The following ITGA2 variants were observed in gnomAD, a reference collection of about 807,000 sequenced individuals.
ITGA2 encodes the protein integrin alpha-2.
A neutral mutation model predicts 146.3 loss-of-function variants in ITGA2; 101 were observed. The observed-to-expected ratio is 0.69, with a 90% CI of 0.59 to 0.81. The LOEUF (loss-of-function observed/expected upper bound fraction) is 0.81. Among genes scored for constraint, ITGA2 ranks in the 40% least tolerant of loss-of-function variants. The pLI, the probability that ITGA2 is intolerant of heterozygous loss-of-function variation, is 0.00. For synonymous variants in ITGA2, 477 were observed against 487.1 expected (o/e 0.98, Z 0.27); for missense variants, 1,281 against 1,402.7 (o/e 0.91, Z 1.39).
At chr5:53,080,657 T>C (rs1223428138) in intron 25 of ITGA2, 36 bp downstream of exon 25, 1 of 1,417,668 alleles carries the variant, frequency 7.1e-7, no homozygotes, top group South Asian at 1.1e-5. Flanking sequence ...ATGTGTACTT[T>C]CAAGATGTAA....
chr5:53,091,083 A>G lies in ITGA2; in HGVS notation c.*484A>G, dbSNP rs959986331. ...TGAATATTGATGTTAACAAGAGGGGAAAACAAAACACAGGTTTTTTCAATT... is the reference window on the plus strand; with the variant it reads ...TGAATATTGATGTTAACAAGAGGGGGAAACAAAACACAGGTTTTTTCAATT... On this transcript the variant is annotated 3_prime_UTR_variant, in exon 30 of 30. Transcript: ENST00000296585. The G allele has an allele frequency of 2.2e-5, 5 of 230,042 alleles. No individual in the cohort carries two copies. The highest frequency in any genetic ancestry group is 1.1e-4 in the African/African-American group (5 of 43,596). 14.3% of individuals were successfully genotyped at this position (230,042 alleles called of 1,614,324 possible).
At chr5:53,058,830 G>A (rs1348750855) in intron 10 of ITGA2, among the ~76,000 whole-genome samples, 1 of 151,910 alleles carries the variant, frequency 6.6e-6, no homozygotes, top group Admixed American at 6.6e-5. Context: ...CCTTAGAGAT[G>A]CTCATAGAAG....
intron 2 of ITGA2, among the ~76,000 whole-genome samples, chr5:53,039,530 C>T (rs375957183): frequency 5.9e-5 from 9 of 151,526 alleles, no homozygotes; most frequent in Admixed American, 4.6e-4. Context: ...GATCACCTGA[C>T]GTTAGGAGGT....
rs761637572 is a variant in ITGA2 at position 53,074,452 on chromosome 5, A to C, written c.2639A>C (p.Tyr880Ser). Residue 880 changes from tyrosine to serine, a missense_variant, in exon 21 of 30, where the codon TAC becomes TCC. This residue lies in a region of ITGA2 where 475 missense variants were observed against 530.5 expected (regional missense o/e 0.90). Transcript: ENST00000296585. The stretch of plus-strand genomic sequence containing the variant: ...AAGTCTGTTGCCTGCGATGTAGGCT[A>C]CCCTGCTTTAAAGAGAGAACAACAG... Reference protein sequence around the residue: ...SQKSVACDVGYPALKREQQVT... With the variant: ...SQKSVACDVGSPALKREQQVT... 17 of 1,612,200 alleles carry C rather than the reference A, an allele frequency of 1.1e-5. No individual in the cohort carries two copies. Among genetic ancestry groups the C allele is most frequent in the Non-Finnish European group, 1.4e-5 (17 of 1,178,904 alleles).
At position 53,075,307 on chromosome 5, in the gene ITGA2, A is replaced by T; in HGVS notation, c.2825+3A>T. 6.2e-7 allele frequency: 1 copy of T among 1,611,788 alleles called. No homozygotes were observed. Among genetic ancestry groups the T allele is most frequent in the Non-Finnish European group, 8.5e-7 (1 of 1,178,696 alleles). ...GATGCTGAAATTCACTTAACAAGGT[A>T]GGTGAAGCAGTGGGTAACCTGCTAT... On this transcript the variant is annotated splice_donor_region_variant and intron_variant, in intron 23 of 29. Transcript: ENST00000296585.
At chr5:53,025,829 A>G (rs1275323341) in intron 1 of ITGA2, among the ~76,000 whole-genome samples, 2 of 152,184 alleles carry the variant, frequency 1.3e-5, no homozygotes, top group Non-Finnish European at 2.9e-5. Context: ...CTCCAGAGAG[A>G]GCATTAATAT....
At chr5:53,039,599 G>A (rs771092680) in intron 2 of ITGA2, among the ~76,000 whole-genome samples, 6 of 151,732 alleles carry the variant, frequency 4.0e-5, no homozygotes, top group Non-Finnish European at 8.8e-5. Context: ...AATTAGCCAG[G>A]TGTGGTGGCG....
intron 20 of ITGA2, among the ~76,000 whole-genome samples, 179 bp from the exon 21 acceptor site, chr5:53,074,206 A>G (rs1484453334): frequency 6.6e-6 from 1 of 151,950 alleles, no homozygotes; most frequent in Non-Finnish European, 1.5e-5. Flanking sequence ...TTAGCAATAA[A>G]AGTAGTATAT....
At chr5:52,999,318 T>C (rs1292876303) in intron 1 of ITGA2, among the ~76,000 whole-genome samples, 1 of 152,044 alleles carries the variant, frequency 6.6e-6, no homozygotes, top group Non-Finnish European at 1.5e-5. Context: ...TACAGTAAAT[T>C]TTAAAACTTT....
chr5:53,039,299 TTTTG>T (rs1273598675), intron 2 of ITGA2, among the ~76,000 whole-genome samples: 4 of 140,574 alleles, frequency 2.8e-5, no homozygotes, highest in African/African-American at 1.0e-4. Flanking sequence ...CATAGTAAGC[TTTTG>T]TTTGAGAAAA....
At chr5:53,048,222 A>G (rs1744185448) in intron 4 of ITGA2, 141 bp from the exon 5 acceptor site, 5 of 730,462 alleles carry the variant, frequency 6.8e-6, no homozygotes, top group Admixed American at 6.0e-5. Context: ...CCCCGAAGGC[A>G]TTACTGACTC....
rs1740417602 is a variant in ITGA2 at position 53,091,443 on chromosome 5, A to G, written c.*844A>G. On this transcript the variant is annotated 3_prime_UTR_variant, in exon 30 of 30. Transcript: ENST00000296585. ...TCCTTTCTCTTTTAGGAGGCACAAC[A>G]GTTCTCTTCTAGGATTTGTTTGGCT... 6.6e-6 allele frequency: 1 copy of G among 152,200 alleles called. No homozygotes were observed. The highest frequency in any genetic ancestry group is 2.4e-5 in the African/African-American group (1 of 41,444). 9.4% of individuals were successfully genotyped at this position (152,200 alleles called of 1,614,324 possible).
At chr5:53,013,789 G>C (rs1370583583) in intron 1 of ITGA2, among the ~76,000 whole-genome samples, 3 of 151,946 alleles carry the variant, frequency 2.0e-5, no homozygotes, top group Non-Finnish European at 2.9e-5. Flanking sequence ...TTTCAGAAGT[G>C]TTTTATCAGT....
Position 53,051,492 on chromosome 5 carries a change from G to A in ITGA2, c.712G>A (p.Ala238Thr). ...TAAAACCAAAGAAGAAATGATTGTAGCAACATCCCAGACATCCCAATATGG... is the reference window on the plus strand; with the variant it reads ...TAAAACCAAAGAAGAAATGATTGTAACAACATCCCAGACATCCCAATATGG... Reference protein sequence around the residue: ...TYKTKEEMIVATSQTSQYGGD... With the variant: ...TYKTKEEMIVTTSQTSQYGGD... The change falls in exon 7 of 30, where the codon GCA becomes ACA. Residue 238 changes from alanine to threonine, a missense_variant. Around this residue, in one of 3 missense-constraint regions of ITGA2, gnomAD observed 795 missense variants for 841.7 expected, o/e 0.94. Transcript: ENST00000296585. 1 of 1,613,478 alleles carries A rather than the reference G, an allele frequency of 6.2e-7. No homozygotes were observed. The highest frequency in any genetic ancestry group is 1.1e-5 in the South Asian group (1 of 91,072).
intron 1 of ITGA2, among the ~76,000 whole-genome samples, chr5:52,998,467 C>CA (rs1741390149): frequency 1.3e-5 from 2 of 151,918 alleles, no homozygotes. Flanking sequence ...AAAAGAAACC[C>CA]AAAAAACAAA....
At position 53,094,379 on chromosome 5, in the gene ITGA2, G is replaced by A. The variant is rs1210146180; in HGVS notation, c.*3780G>A. 1 of 152,092 alleles carries A rather than the reference G, an allele frequency of 6.6e-6. No individual in the cohort carries two copies. Among genetic ancestry groups the A allele is most frequent in the Non-Finnish European group, 1.5e-5 (1 of 67,994 alleles). The allele number at this position is 152,092 out of a possible 1,614,324, so 9.4% of individuals were successfully genotyped here. A position where few individuals can be genotyped will look rare whatever the true frequency, so the allele number is the denominator to read the frequency against. ...TGTAAATAAAGTTTCATATGTACCT[G>A]TTTATTTTGGCAGATTAAGTCAAAA... is the stretch of plus-strand genomic sequence containing the variant. On this transcript the variant is annotated 3_prime_UTR_variant, in exon 30 of 30. Transcript: ENST00000296585.
rs755534232 is a variant in ITGA2, at chr5:53,055,723, A to G, written c.930+35A>G. 3.7e-6 allele frequency: 6 copies of G among 1,609,440 alleles called. No homozygotes were observed. The South Asian group carries it at 4.4e-5, about 12-fold the overall frequency. On this transcript the variant is annotated intron_variant, in intron 8 of 29. Transcript: ENST00000296585. The stretch of plus-strand genomic sequence containing the variant: ...TTTTCTTTTCACTTGTCTTGCCGCT[A>G]TTGGGTAAATCTTTCTTTATAGCAT...
At chr5:52,994,105 T>C (rs1479440090) in intron 1 of ITGA2, among the ~76,000 whole-genome samples, 2 of 152,210 alleles carry the variant, frequency 1.3e-5, no homozygotes, top group Admixed American at 6.5e-5. Flanking sequence ...AGAGGCTTTA[T>C]TGATCTGGCT....
rs1745421474 is a variant in ITGA2 at position 53,071,976 on chromosome 5, G to T, written c.2274G>T (p.Val758=). 1 of 1,612,248 alleles carries T rather than the reference G, an allele frequency of 6.2e-7. No homozygotes were observed. The highest frequency in any genetic ancestry group is 8.5e-7 in the Non-Finnish European group (1 of 1,178,952). The change falls in exon 18 of 30, where the codon GTG becomes GTT. Residue 758 remains valine, a synonymous_variant. Transcript: ENST00000296585. The part of the protein sequence containing the change: ...SDVVNSLDLR[V]DISLENPGTS... ...TTGTCAACTCTTTGGATTTGCGTGT[G>T]GACATCAGTCTGGAAAACCCTGGCA... is the stretch of plus-strand genomic sequence containing the variant.
Sources: gnomAD v4.1 joint callset for allele counts (sites outside exome capture counted in the v4.1 genomes callset) on GRCh38, gnomAD v4.1.1 for gene constraint, gnomAD v4.1.1 regional missense constraint, MANE v1.5 for transcripts, NCBI Gene and HGNC (gene_info 2026-07-23, HGNC 2026-07-21) for gene names.